The following NUDT3 variants were observed in gnomAD, a reference collection of about 807,000 sequenced individuals.
NUDT3 encodes nudix hydrolase 3.
A neutral mutation model predicts 23.6 loss-of-function variants in NUDT3; 9 were observed. That is an observed-to-expected ratio of 0.38 (90% confidence interval 0.23 to 0.66). The LOEUF (loss-of-function observed/expected upper bound fraction) is 0.66, where lower values mean the gene tolerates loss of function less well. Among genes scored for constraint, NUDT3 ranks in the 30% least tolerant of loss-of-function variants. The pLI, the probability that NUDT3 is intolerant of heterozygous loss-of-function variation, is 0.52. For synonymous variants in NUDT3, 86 were observed against 82.6 expected, an observed-to-expected ratio of 1.04 and a Z score of -0.22; for missense variants, 172 against 218.5, an observed-to-expected ratio of 0.79 and a Z score of 1.34.
chr6:34,382,065 T>C (rs374301636), intron 1 of NUDT3, among the ~76,000 whole-genome samples: 39 of 93,316 alleles, frequency 4.2e-4, no homozygotes, highest in African/African-American at 1.6e-3. Context: ...AGAGCGAGAC[T>C]CTATCTCAAA....
At chr6:34,310,731 T>A (rs1763758160) in intron 2 of NUDT3, among the ~76,000 whole-genome samples, 1 of 152,190 alleles carries the variant, frequency 6.6e-6, no homozygotes, top group South Asian at 2.1e-4. Flanking sequence ...ACAGGACAAA[T>A]ACATCACAAG....
At chr6:34,377,893 A>G (rs1764950923) in intron 1 of NUDT3, among the ~76,000 whole-genome samples, 1 of 152,064 alleles carries the variant, frequency 6.6e-6, no homozygotes, top group Admixed American at 6.6e-5. Flanking sequence ...TTATAAAAAC[A>G]CTGGCGTTCA....
chr6:34,373,002 G>A (rs1007616524), intron 1 of NUDT3, among the ~76,000 whole-genome samples: 9 of 151,292 alleles, frequency 5.9e-5, no homozygotes, highest in African/African-American at 1.2e-4. Context: ...CGCGTGTGCC[G>A]GGCGCGGTGG....
chr6:34,297,292 C>T (rs577354983), intron 2 of NUDT3, among the ~76,000 whole-genome samples: 21 of 152,110 alleles, frequency 1.4e-4, no homozygotes, highest in Admixed American at 1.2e-3. Context: ...AATAACTGCC[C>T]TCCACAGCCA....
chr6:34,289,036 T>C (rs575816957), intron 4 of NUDT3, 105 bp from the exon 5 acceptor site: 8 of 1,330,114 alleles, frequency 6.0e-6, no homozygotes, highest in Non-Finnish European at 7.9e-6. Context: ...TTCTTAACAC[T>C]TTTTTTCCTT....
In NUDT3 at chr6:34,281,044, T is replaced by C. The variant is rs1157632723; in HGVS notation, c.*7709A>G. 2 of 152,242 alleles carry C rather than the reference T, an allele frequency of 1.3e-5. No individual in the cohort carries two copies. Among genetic ancestry groups the C allele is most frequent in the African/African-American group, 2.4e-5 (1 of 41,454 alleles). 9.4% of individuals were successfully genotyped at this position (152,242 alleles called of 1,614,324 possible). On this transcript the variant is annotated 3_prime_UTR_variant, in exon 5 of 5. Transcript: ENST00000607016. ...AACTTGGCCAAGAGGAGATTGTATA[T>C]GGATGGCACACCTGGAAAAGGGGAG... is the stretch of plus-strand genomic sequence containing the variant.
chr6:34,361,347 T>G (rs972812434), intron 1 of NUDT3, among the ~76,000 whole-genome samples: 1 of 152,188 alleles, frequency 6.6e-6, no homozygotes, highest in Non-Finnish European at 1.5e-5. Flanking sequence ...CCTATTAGAA[T>G]AGCCAAAATC....
chr6:34,293,147 C>T (rs747218327), intron 4 of NUDT3, among the ~76,000 whole-genome samples: 1 of 152,136 alleles, frequency 6.6e-6, no homozygotes, highest in Admixed American at 6.6e-5. Flanking sequence ...AATGTGACCT[C>T]AAACTCCCAA....
intron 1 of NUDT3, among the ~76,000 whole-genome samples, chr6:34,345,670 A>C (rs1165388131): frequency 6.6e-6 from 1 of 151,584 alleles, no homozygotes; most frequent in Non-Finnish European, 1.5e-5. Context: ...CCCAAAAAAA[A>C]AAAAAAAAAA....
In NUDT3 at chr6:34,374,339, T is replaced by A. The variant is rs532813511; in HGVS notation, c.99+17925A>T. ...CACTGACGTGGCTGGATAGATCATG[T>A]CTATGTTTACTTCCAGGTTCACAAA... On this transcript the variant is annotated intron_variant, in intron 1 of 4. Coordinates refer to ENST00000607016, the MANE Select transcript of NUDT3 (RefSeq NM_006703.4). Among the ~76,000 whole-genome samples the A allele has an allele frequency of 3.9e-5, 6 of 152,268 alleles. 1 individual carries two copies. The highest frequency in any genetic ancestry group is 1.4e-4 in the African/African-American group (6 of 41,552).
At chr6:34,304,975 ATTTTTTTTTTT>A (rs535349190) in intron 2 of NUDT3, among the ~76,000 whole-genome samples, 1 of 85,352 alleles carries the variant, frequency 1.2e-5, no homozygotes, top group Non-Finnish European at 2.1e-5. Flanking sequence ...CCCGGTCTGA[ATTTTTTTTTTT>A]TTTTTTTTTT....
chr6:34,356,787 T>G (rs956051133), intron 1 of NUDT3, among the ~76,000 whole-genome samples: 1 of 152,132 alleles, frequency 6.6e-6, no homozygotes, highest in Non-Finnish European at 1.5e-5. Context: ...GGGTTTTTTT[T>G]GTTTTCTTTT....
At chr6:34,290,245 C>CTT (rs765049070) in intron 4 of NUDT3, among the ~76,000 whole-genome samples, 18 of 143,982 alleles carry the variant, frequency 1.3e-4, no homozygotes, top group South Asian at 4.4e-4. Context: ...TTCTTTCTCT[C>CTT]TTTTTTTTTT....
At chr6:34,390,654 G>A (rs1013469294) in intron 1 of NUDT3, among the ~76,000 whole-genome samples, 9 of 152,018 alleles carry the variant, frequency 5.9e-5, no homozygotes, top group African/African-American at 9.7e-5. Flanking sequence ...CACCACGCCC[G>A]GCCTGGTGTG....
intron 2 of NUDT3, among the ~76,000 whole-genome samples, chr6:34,325,548 T>C (rs1345344004): frequency 6.6e-6 from 1 of 152,236 alleles, no homozygotes; most frequent in African/African-American, 2.4e-5. Context: ...TAACTTCTTT[T>C]GCTGTATTTT....
intron 1 of NUDT3, among the ~76,000 whole-genome samples, chr6:34,371,532 G>C (rs991575612): frequency 2.6e-5 from 4 of 152,050 alleles, no homozygotes; most frequent in Non-Finnish European, 5.9e-5. Context: ...ATTCAACGTG[G>C]GAAACAGGAA....
rs1763372965 is a variant in NUDT3 at position 34,288,821 on chromosome 6, TG to T, written c.450del (p.Asn150LysfsTer25). 1 of 1,614,102 alleles carries T rather than the reference TG, an allele frequency of 6.2e-7. No homozygotes were observed. Among genetic ancestry groups the T allele is most frequent in the Non-Finnish European group, 8.5e-7 (1 of 1,179,990 alleles). ...FETLRQGYSANNGTPVVATTY... is the reference protein window; with the variant it reads ...FETLRQGYSAXNGTPVVATTY... ...GTGGTGGCCACGACTGGGGTGCCAT[TG>T]TTGGCTGAGTAGCCTTGCCTCAATG... On this transcript the variant is annotated frameshift_variant, in exon 5 of 5. Coordinates refer to ENST00000607016, the MANE Select transcript of NUDT3 (RefSeq NM_006703.4). LOFTEE classifies it high-confidence loss of function.
At chr6:34,354,394 AACACACACACACACACACAC>A (rs370168110) in intron 1 of NUDT3, among the ~76,000 whole-genome samples, 1 of 137,634 alleles carries the variant, frequency 7.3e-6, no homozygotes, top group South Asian at 2.4e-4. Flanking sequence ...GATTTCATTA[AACACACACACACACACACAC>A]ACACACACAC....
intron 1 of NUDT3, among the ~76,000 whole-genome samples, chr6:34,354,611 T>A (rs1415613362): frequency 6.6e-6 from 1 of 151,314 alleles, no homozygotes; most frequent in Non-Finnish European, 1.5e-5. Flanking sequence ...TAGTTCCAAC[T>A]ACTTGGGAGG....
Sources: allele counts gnomAD v4.1 joint callset (sites outside exome capture counted in the v4.1 genomes callset), GRCh38; gene constraint gnomAD v4.1.1; transcripts MANE v1.5; gene names NCBI Gene and HGNC (gene_info 2026-07-23, HGNC 2026-07-21).